CFDP1: variants seen among roughly 807,000 people sequenced by gnomAD.
CFDP1 encodes chromatin remodeling protein CFDP1, also known as heterochromatin-stabilizing protein CFDP1.
In CFDP1, 31 loss-of-function variants were observed where a neutral mutation model predicts 40.1. The ratio of observed to expected loss-of-function variants is 0.77; its 90% CI spans 0.58 to 1.04. The LOEUF (loss-of-function observed/expected upper bound fraction) is 1.04, where lower values mean the gene tolerates loss of function less well. Among genes scored for constraint, CFDP1 ranks in the 50% least tolerant of loss-of-function variants. The pLI is 0.00. For missense variants in CFDP1, 423 were observed against 343.4 expected, an observed-to-expected ratio of 1.23 and a Z score of -1.83; for synonymous variants, 167 against 120.0, an observed-to-expected ratio of 1.39 and a Z score of -2.56.
chr16:75,412,348 A>C (rs1465738058), intron 3 of CFDP1, among the ~76,000 whole-genome samples, 187 bp downstream of exon 3: 1 of 152,156 alleles, frequency 6.6e-6, no homozygotes, highest in Non-Finnish European at 1.5e-5. Flanking sequence ...TTCATCTCTA[A>C]CCAGTTAAAG....
chr16:75,297,748 T>A (rs2078194282), intron 6 of CFDP1, among the ~76,000 whole-genome samples: 1 of 152,192 alleles, frequency 6.6e-6, no homozygotes, highest in Non-Finnish European at 1.5e-5. Flanking sequence ...GATTTTCTAG[T>A]TTTTCCTTTT....
At chr16:75,343,926 T>C (rs1008907681) in intron 5 of CFDP1, among the ~76,000 whole-genome samples, 3 of 152,194 alleles carry the variant, frequency 2.0e-5, no homozygotes, top group Non-Finnish European at 4.4e-5. Context: ...ATTTGCTTAA[T>C]TGTGACATTT....
chr16:75,341,861 A>G (rs910245075), intron 5 of CFDP1, among the ~76,000 whole-genome samples: 1 of 152,144 alleles, frequency 6.6e-6, no homozygotes, highest in Admixed American at 6.5e-5. Flanking sequence ...GGTTCCATGG[A>G]AAAGTAACTC....
At chr16:75,416,401 T>A (rs2079205787) in intron 1 of CFDP1, among the ~76,000 whole-genome samples, 1 of 137,502 alleles carries the variant, frequency 7.3e-6, no homozygotes. Flanking sequence ...ACTTTTAAAA[T>A]AATTCAGAAA....
chr16:75,431,475 A>AAC lies in CFDP1; in HGVS notation c.64+1813_64+1814insGT, dbSNP rs1424183710. 1.4e-3 allele frequency among the ~76,000 whole-genome samples: 208 copies of AAC among 146,172 alleles called. 1 individual carries two copies. Among genetic ancestry groups the AAC allele is most frequent in the Admixed American group, 0.012 (177 of 14,590 alleles). ...GTCTCAAAAAAAAAAAAAAAAAAAA[A>AAC]AAGAAAAGAAAAGAAAATCGATCGG... On this transcript the variant is annotated intron_variant, in intron 1 of 6. Transcript: ENST00000283882.
chr16:75,401,012 C>T (rs900994403), intron 4 of CFDP1, among the ~76,000 whole-genome samples: 1 of 152,162 alleles, frequency 6.6e-6, no homozygotes, highest in East Asian at 1.9e-4. Flanking sequence ...TTAAAAGCAT[C>T]CAGCTTGACA....
At chr16:75,341,879 A>G (rs2078529694) in intron 5 of CFDP1, among the ~76,000 whole-genome samples, 1 of 152,162 alleles carries the variant, frequency 6.6e-6, no homozygotes, top group Non-Finnish European at 1.5e-5. Context: ...CTCTAGCTGG[A>G]GCAATCAAAA....
chr16:75,416,769 A>T (rs1285691222), intron 1 of CFDP1, among the ~76,000 whole-genome samples: 2 of 152,100 alleles, frequency 1.3e-5, no homozygotes, highest in African/African-American at 4.8e-5. Flanking sequence ...TACATAAATT[A>T]AAAAATTTTT....
intron 6 of CFDP1, among the ~76,000 whole-genome samples, chr16:75,299,964 C>T (rs541469929): frequency 1.1e-4 from 17 of 152,094 alleles, no homozygotes; most frequent in Non-Finnish European, 2.2e-4. Context: ...TGGGCTGCAG[C>T]GAGCTGGGGG....
At chr16:75,312,480 T>C (rs1422018151) in intron 5 of CFDP1, among the ~76,000 whole-genome samples, 1 of 152,228 alleles carries the variant, frequency 6.6e-6, no homozygotes, top group Non-Finnish European at 1.5e-5. Context: ...CTTTTTTTTA[T>C]ACAAATAGAA....
chr16:75,335,348 A>T (rs1434129391), intron 5 of CFDP1, among the ~76,000 whole-genome samples: 1 of 152,152 alleles, frequency 6.6e-6, no homozygotes, highest in Non-Finnish European at 1.5e-5. Context: ...AAAATTCAAA[A>T]TGATCAAAAA....
At chr16:75,347,658 G>T (rs1374924867) in intron 5 of CFDP1, among the ~76,000 whole-genome samples, 1 of 152,100 alleles carries the variant, frequency 6.6e-6, no homozygotes, top group Non-Finnish European at 1.5e-5. Flanking sequence ...CAGCCTGGGT[G>T]AAAGAGCGAG....
chr16:75,396,741 T>C (rs2078997399), intron 4 of CFDP1, among the ~76,000 whole-genome samples: 1 of 140,512 alleles, frequency 7.1e-6, no homozygotes, highest in Admixed American at 7.7e-5. Context: ...AATAAAGGTA[T>C]TTATGGTACC....
chr16:75,319,777 T>C (rs13330780), intron 5 of CFDP1, among the ~76,000 whole-genome samples: 1,601 of 152,272 alleles, frequency 0.011, 30 homozygotes, highest in African/African-American at 0.037. Context: ...CAACCCAGGA[T>C]TTAAAGAGCC....
chr16:75,301,468 G>C (rs1480209509), intron 6 of CFDP1, among the ~76,000 whole-genome samples: 5 of 150,134 alleles, frequency 3.3e-5, no homozygotes, highest in Non-Finnish European at 5.9e-5. Context: ...CCTGCCCAGA[G>C]CCTGTGTCTG....
chr16:75,323,042 A>G (rs1420224811), intron 5 of CFDP1, among the ~76,000 whole-genome samples: 1 of 152,140 alleles, frequency 6.6e-6, no homozygotes, highest in African/African-American at 2.4e-5. Context: ...TTTTTCTTCA[A>G]TAAAAATTTA....
chr16:75,338,142 C>A (rs562907035), intron 5 of CFDP1, among the ~76,000 whole-genome samples: 2 of 152,158 alleles, frequency 1.3e-5, no homozygotes, highest in Non-Finnish European at 2.9e-5. Context: ...CCACTGAACT[C>A]AATGGCAAAT....
rs192279315 is a variant in CFDP1 at position 75,412,057 on chromosome 16, C to A, written c.403-105G>T. 1.5e-3 allele frequency: 1,881 copies of A among 1,225,176 alleles called. 3 individuals carry two copies. Among genetic ancestry groups the A allele is most frequent in the Non-Finnish European group, 1.9e-3 (1,720 of 910,266 alleles). The allele number at this position is 1,225,176 out of a possible 1,614,324, so 75.9% of individuals were successfully genotyped here. A position where few individuals can be genotyped will look rare whatever the true frequency, so the allele number is the denominator to read the frequency against. On this transcript the variant is annotated intron_variant, in intron 3 of 6. Transcript: ENST00000283882. ...TTGAGATAGCGTCTCACTCTGTAGCCCAAGCTGGAGTGCAGTAACACAATC... is the reference window on the plus strand; with the variant it reads ...TTGAGATAGCGTCTCACTCTGTAGCACAAGCTGGAGTGCAGTAACACAATC...
chr16:75,359,055 A>G (rs1258198082), intron 5 of CFDP1, among the ~76,000 whole-genome samples: 1 of 152,198 alleles, frequency 6.6e-6, no homozygotes, highest in Non-Finnish European at 1.5e-5. Flanking sequence ...TTTTCCAACT[A>G]CATATTTGAG....
Sources: gnomAD v4.1 joint callset for allele counts (sites outside exome capture counted in the v4.1 genomes callset) on GRCh38, gnomAD v4.1.1 for gene constraint, MANE v1.5 for transcripts, NCBI Gene and HGNC (gene_info 2026-07-23, HGNC 2026-07-21) for gene names.